DIP2C: variants seen among roughly 807,000 people sequenced by gnomAD.
DIP2C encodes the protein disco-interacting protein 2 homolog C.
In DIP2C, 33 loss-of-function variants were observed where a neutral mutation model predicts 192.4. That is an observed-to-expected ratio of 0.17 (90% CI 0.13 to 0.23). The LOEUF is 0.23. DIP2C is among the 10% of genes least tolerant of loss of function. The pLI, the probability that DIP2C is intolerant of heterozygous loss-of-function variation, is 1.00. For missense variants in DIP2C, 1,537 were observed against 2,110.1 expected (o/e 0.73, Z 5.32); for synonymous variants, 979 against 864.1 (o/e 1.13, Z -2.33).
chr10:620,212 C>G (rs1472704557), intron 1 of DIP2C, among the ~76,000 whole-genome samples: 1 of 152,150 alleles, frequency 6.6e-6, no homozygotes, highest in Non-Finnish European at 1.5e-5. Context: ...ATTTTTATGG[C>G]TTTTTTCTGC....
intron 4 of DIP2C, among the ~76,000 whole-genome samples, chr10:436,132 A>T (rs1967170083): frequency 6.6e-6 from 1 of 152,146 alleles, no homozygotes; most frequent in African/African-American, 2.4e-5. Flanking sequence ...CACTTCATGT[A>T]CTCAGCCACC....
chr10:312,930 G>A (rs1164107872), intron 31 of DIP2C, among the ~76,000 whole-genome samples: 2 of 152,150 alleles, frequency 1.3e-5, no homozygotes, highest in African/African-American at 4.8e-5. Flanking sequence ...TTGTTATAAT[G>A]GGTCAAGGTG....
intron 30 of DIP2C, among the ~76,000 whole-genome samples, chr10:328,171 G>A (rs866457945): frequency 3.3e-5 from 5 of 152,304 alleles, no homozygotes; most frequent in South Asian, 2.1e-4. Flanking sequence ...TTTGACATTC[G>A]TGCTCAGTGT....
chr10:526,790 T>C (rs1205834118), intron 1 of DIP2C, among the ~76,000 whole-genome samples: 2 of 152,226 alleles, frequency 1.3e-5, no homozygotes, highest in Admixed American at 1.3e-4. Flanking sequence ...TGTGTGCCTC[T>C]TCTTTCCTCC....
At chr10:497,599 C>T (rs894316525) in intron 1 of DIP2C, among the ~76,000 whole-genome samples, 4 of 152,194 alleles carry the variant, frequency 2.6e-5, no homozygotes, top group African/African-American at 4.8e-5. Context: ...CCAAACCGTA[C>T]GTAGTGAGGA....
In DIP2C at chr10:417,615, T is replaced by C. The variant is rs920123700; in HGVS notation, c.739+1450A>G. On this transcript the variant is annotated intron_variant, in intron 6 of 36. Coordinates refer to ENST00000280886, the MANE Select transcript of DIP2C (RefSeq NM_014974.3). The stretch of plus-strand genomic sequence containing the variant: ...TGGAGCTAGGATAGGCATCCCTGTC[T>C]GCCTGCGCCTGTCAGGGCTCGGATA... Among the ~76,000 whole-genome samples, 781 of 142,786 alleles carry C rather than the reference T, an allele frequency of 5.5e-3. 5 individuals are homozygous for C. Among genetic ancestry groups the C allele is most frequent in the African/African-American group, 0.01 (386 of 37,736 alleles). The allele number at this position is 142,786 out of a possible 152,430, so 93.7% of individuals were successfully genotyped here. A position where few individuals can be genotyped will look rare whatever the true frequency, so the allele number is the denominator to read the frequency against.
intron 1 of DIP2C, among the ~76,000 whole-genome samples, chr10:507,106 G>A (rs560543219): frequency 2.0e-5 from 3 of 151,888 alleles, no homozygotes; most frequent in African/African-American, 7.3e-5. Flanking sequence ...CACGATGAGA[G>A]GTATGCGAGG....
intron 1 of DIP2C, among the ~76,000 whole-genome samples, chr10:503,851 C>T (rs1006821909): frequency 8.5e-5 from 13 of 152,346 alleles, no homozygotes; most frequent in Admixed American, 8.5e-4. Flanking sequence ...ATCTCTGCCG[C>T]CTACATCAGA....
intron 1 of DIP2C, among the ~76,000 whole-genome samples, chr10:491,242 GCTCAGCTCC>G (rs2133585943): frequency 1.3e-5 from 2 of 152,346 alleles, no homozygotes; most frequent in East Asian, 3.9e-4. Flanking sequence ...CCACAGCGTG[GCTCAGCTCC>G]AAGCACACAG....
rs367655607 is a variant in DIP2C, at chr10:392,751, T to TAC, written c.1261-1890_1261-1889dup. Among the ~76,000 whole-genome samples the TAC allele has an allele frequency of 6.8e-4, 102 of 150,248 alleles. 1 individual carries two copies. The highest frequency in any genetic ancestry group is 8.1e-4 in the African/African-American group (33 of 40,774). On this transcript the variant is annotated intron_variant, in intron 10 of 36. Transcript: ENST00000280886. ...AGGTACACACGCGCACACACTCACA[T>TAC]ACACACACACACACTTAACACTCTC... is the stretch of plus-strand genomic sequence containing the variant.
chr10:665,925 C>T (rs1266529266), intron 1 of DIP2C: 1 of 152,152 alleles, frequency 6.6e-6, no homozygotes, highest in Non-Finnish European at 1.5e-5. Context: ...AAGTGGAAAT[C>T]ACTCAAAGAA....
chr10:538,762 A>G (rs938577362), intron 1 of DIP2C, among the ~76,000 whole-genome samples: 1 of 152,262 alleles, frequency 6.6e-6, no homozygotes, highest in Admixed American at 6.5e-5. Flanking sequence ...TTAACAAAAG[A>G]TAACTGTACC....
chr10:390,663 G>A, intron 11 of DIP2C, 77 bp downstream of exon 11: 5 of 1,554,628 alleles, frequency 3.2e-6, no homozygotes, highest in Non-Finnish European at 4.3e-6. Context: ...TGAAACCGAG[G>A]CGGGGTGACG....
chr10:685,027 G>C (rs1831258623), intron 1 of DIP2C, among the ~76,000 whole-genome samples: 1 of 149,558 alleles, frequency 6.7e-6, no homozygotes, highest in African/African-American at 2.5e-5. Context: ...CCAGCTACTT[G>C]AGAGGCTGAG....
intron 1 of DIP2C, among the ~76,000 whole-genome samples, chr10:550,365 C>A (rs955863503): frequency 6.6e-6 from 1 of 152,142 alleles, no homozygotes; most frequent in African/African-American, 2.4e-5. Context: ...ATCAGTTTCT[C>A]ATTTGCACTT....
At position 377,105 on chromosome 10, in the gene DIP2C, C is replaced by T. The variant is rs1589650106; in HGVS notation, c.1991+5542G>A. Among the ~76,000 whole-genome samples the T allele has an allele frequency of 2.0e-5, 3 of 152,138 alleles. No homozygotes were observed. The South Asian group carries it at 6.2e-4, about 32-fold the overall frequency. The stretch of plus-strand genomic sequence containing the variant: ...GCTGCACAGCACGGAAAGTGAGCTG[C>T]CCATCTTTACTGCCTCACCCACCCT... On this transcript the variant is annotated intron_variant, in intron 17 of 36. Transcript: ENST00000280886.
intron 1 of DIP2C, among the ~76,000 whole-genome samples, chr10:566,689 C>T (rs1395104611): frequency 6.6e-6 from 1 of 152,226 alleles, no homozygotes; most frequent in Admixed American, 6.5e-5. Context: ...GCCATGGAGG[C>T]GGTGTTCTCA....
At chr10:290,798 C>T (rs534763220) in intron 32 of DIP2C, among the ~76,000 whole-genome samples, 6 of 152,160 alleles carry the variant, frequency 3.9e-5, no homozygotes, top group African/African-American at 7.2e-5. Flanking sequence ...CAGCCAAAAC[C>T]GAGGGCTGTT....
At chr10:301,429 A>C (rs1002792115) in intron 32 of DIP2C, among the ~76,000 whole-genome samples, 6 of 152,114 alleles carry the variant, frequency 3.9e-5, no homozygotes, top group African/African-American at 7.2e-5. Context: ...GTCAGGAGAA[A>C]AGGCAGCTGC....
Sources: allele counts gnomAD v4.1 joint callset (sites outside exome capture counted in the v4.1 genomes callset), GRCh38; gene constraint gnomAD v4.1.1; transcripts MANE v1.5; gene names NCBI Gene and HGNC (gene_info 2026-07-23, HGNC 2026-07-21).